The following TPO variants were observed in gnomAD, a reference collection of about 807,000 sequenced individuals.
The protein encoded by TPO is thyroid peroxidase.
TPO carries 78 observed loss-of-function variants against 96.9 expected under a neutral mutation model. The observed-to-expected ratio is 0.81, with a 90% CI of 0.67 to 0.97. TPO has a LOEUF of 0.97. Among genes scored for constraint, TPO ranks in the 50% least tolerant of loss-of-function variants. The pLI is 0.00. For missense variants in TPO, 1,252 were observed against 1,274.8 expected, an observed-to-expected ratio of 0.98 and a Z score of 0.27; for synonymous variants, 547 against 538.0, an observed-to-expected ratio of 1.02 and a Z score of -0.23.
At chr2:1,398,804 G>T (rs958041500) in intron 1 of TPO, among the ~76,000 whole-genome samples, 1 of 152,286 alleles carries the variant, frequency 6.6e-6, no homozygotes, top group Admixed American at 6.5e-5. Flanking sequence ...GATTGCAGGG[G>T]CCAGGGAGTG....
At chr2:1,528,426 G>GCTCAAATCCCCCCACTGTGTGCAACCTC (rs1677136958) in intron 15 of TPO, among the ~76,000 whole-genome samples, 2 of 68,162 alleles carry the variant, frequency 2.9e-5, no homozygotes, top group African/African-American at 6.4e-5. Context: ...TGTGCAACCT[G>GCTCAAATCCCCCCACTGTGTGCAACCTC]CTCAAATCCC....
chr2:1,435,477 C>G (rs999175360), intron 4 of TPO, among the ~76,000 whole-genome samples: 4 of 152,166 alleles, frequency 2.6e-5, no homozygotes, highest in African/African-American at 9.7e-5. Flanking sequence ...TGCATTCCTT[C>G]CTGGCTTTTT....
At chr2:1,448,296 A>T (rs1390917981) in intron 5 of TPO, among the ~76,000 whole-genome samples, 16 of 152,206 alleles carry the variant, frequency 1.1e-4, no homozygotes, top group Non-Finnish European at 1.6e-4. Context: ...CAGCTCCTGC[A>T]TGCAGCTCCT....
chr2:1,495,061 C>T (rs908202565), intron 11 of TPO, among the ~76,000 whole-genome samples: 23 of 152,200 alleles, frequency 1.5e-4, no homozygotes, highest in African/African-American at 2.2e-4. Flanking sequence ...TTGCCCCATA[C>T]GTGTGTCTCC....
chr2:1,389,179 G>A (rs1012977189), intron 1 of TPO, among the ~76,000 whole-genome samples: 6 of 152,168 alleles, frequency 3.9e-5, no homozygotes, highest in African/African-American at 1.4e-4. Flanking sequence ...GGGAGACTGT[G>A]CTGGGATGAG....
At chr2:1,531,429 C>CG in intron 15 of TPO, among the ~76,000 whole-genome samples, 1 of 57,192 alleles carries the variant, frequency 1.7e-5, no homozygotes, top group Non-Finnish European at 2.8e-5. Context: ...AAATCCCTCC[C>CG]ACTGTGAGCA....
intron 11 of TPO, among the ~76,000 whole-genome samples, chr2:1,495,787 C>T (rs1314417436): frequency 6.6e-6 from 1 of 151,622 alleles, no homozygotes; most frequent in Non-Finnish European, 1.5e-5. Context: ...TGAGTGGTCC[C>T]GGGTGCTGGG....
At chr2:1,387,721 A>G (rs1282302802) in intron 1 of TPO, among the ~76,000 whole-genome samples, 6 of 152,222 alleles carry the variant, frequency 3.9e-5, no homozygotes, top group African/African-American at 1.4e-4. Context: ...CGTCAAAGTC[A>G]TTCTTTGTCC....
In TPO at chr2:1,424,469, G is replaced by A. The variant is rs187643638; in HGVS notation, c.179+1340G>A. Among the ~76,000 whole-genome samples, 401 of 152,282 alleles carry A rather than the reference G, an allele frequency of 2.6e-3. 3 individuals carry two copies. The highest frequency in any genetic ancestry group is 9.2e-3 in the African/African-American group (382 of 41,548). On this transcript the variant is annotated intron_variant, in intron 3 of 16. Coordinates refer to ENST00000329066, the MANE Select transcript of TPO (RefSeq NM_001206744.2). ...GGCTAACTTTGGAATGCTCTTGGCC[G>A]AGAGGTGGGATCCACTCAGGTGGTT...
intron 1 of TPO, among the ~76,000 whole-genome samples, chr2:1,398,734 G>T (rs561690555): frequency 1.3e-5 from 2 of 152,196 alleles, no homozygotes; most frequent in East Asian, 3.9e-4. Context: ...CTTTGTGGGG[G>T]TGCCCTTCCC....
At position 1,542,430 on chromosome 2, in the gene TPO, G is replaced by T; in HGVS notation, c.2758G>T (p.Gly920Trp). ...AAQDSEQESA[G>W]MEGRDTHRLP... ...TTCTGCATTTTTGCAGGAGAGTGCT[G>T]GGATGGAAGGCCGGGATACTCACAG... Residue 920 changes from glycine to tryptophan, a missense_variant, in exon 17 of 17, where the codon GGG becomes TGG. By Grantham distance (184) the Gly-to-Trp change is radical. Coordinates refer to ENST00000329066, the MANE Select transcript of TPO (RefSeq NM_001206744.2). 6.2e-7 allele frequency: 1 copy of T among 1,614,214 alleles called. No homozygotes were observed. Among genetic ancestry groups the T allele is most frequent in the Non-Finnish European group, 8.5e-7 (1 of 1,180,048 alleles).
At chr2:1,437,447 G>GC (rs28909390) in intron 5 of TPO, among the ~76,000 whole-genome samples, 10 of 151,634 alleles carry the variant, frequency 6.6e-5, no homozygotes, top group South Asian at 2.1e-4. Context: ...GAAGGAAGAT[G>GC]CCCCCCCCGA....
chr2:1,436,151 C>A (rs1665546271), intron 4 of TPO, 101 bp from the exon 5 acceptor site: 1 of 1,588,630 alleles, frequency 6.3e-7, no homozygotes, highest in Non-Finnish European at 8.6e-7. Flanking sequence ...ATATGAATCC[C>A]AAATTCAGAT....
chr2:1,433,434 A>G lies in TPO; in HGVS notation c.180-4A>G. The G allele has an allele frequency of 6.2e-7, 1 of 1,614,232 alleles. No homozygotes were observed. Among genetic ancestry groups the G allele is most frequent in the Non-Finnish European group, 8.5e-7 (1 of 1,180,036 alleles). ...CTATTTTATATCTTCTTTATGTGCC[A>G]TAGAAACCTCAAGAAAAGAGGAATC... On this transcript the variant is annotated splice_polypyrimidine_tract_variant and splice_region_variant and intron_variant, in intron 3 of 16. Coordinates refer to ENST00000329066, the MANE Select transcript of TPO (RefSeq NM_001206744.2).
At chr2:1,467,703 A>G (rs903996451) in intron 7 of TPO, among the ~76,000 whole-genome samples, 1 of 151,960 alleles carries the variant, frequency 6.6e-6, no homozygotes, top group Non-Finnish European at 1.5e-5. Flanking sequence ...TGTTAAGTCC[A>G]TTTGTTCCAG....
chr2:1,542,664 T>C lies in TPO; in HGVS notation c.*190T>C. On this transcript the variant is annotated 3_prime_UTR_variant, in exon 17 of 17. Coordinates refer to ENST00000329066, the MANE Select transcript of TPO (RefSeq NM_001206744.2). ...TTATAGCTGCATTTGTCTGGCCTTT[T>C]CTTGTAAACATTGCCTGATTTGTTC... 6.6e-7 allele frequency: 1 copy of C among 1,510,576 alleles called. No individual in the cohort carries two copies. Among genetic ancestry groups the C allele is most frequent in the Non-Finnish European group, 9.0e-7 (1 of 1,116,156 alleles). The allele number at this position is 1,510,576 out of a possible 1,614,324, so 93.6% of individuals were successfully genotyped here.
intron 15 of TPO, among the ~76,000 whole-genome samples, chr2:1,523,309 G>GTA (rs1675614556): frequency 2.2e-5 from 1 of 45,666 alleles, no homozygotes; most frequent in Non-Finnish European, 3.8e-5. Context: ...CCCCCACTGT[G>GTA]AGCAACCTCC....
chr2:1,480,849 A>ACCTCCCTCC (rs1491437363), intron 8 of TPO, among the ~76,000 whole-genome samples: 1 of 151,284 alleles, frequency 6.6e-6, no homozygotes, highest in Admixed American at 6.6e-5. Context: ...TGTCCTCACC[A>ACCTCCCTCC]TACCCACTCT....
At chr2:1,507,642 A>G (rs1275785901) in intron 14 of TPO, among the ~76,000 whole-genome samples, 1 of 151,638 alleles carries the variant, frequency 6.6e-6, no homozygotes, top group Non-Finnish European at 1.5e-5. Context: ...TTCTCTTTGA[A>G]GCAATTGTGA....
Sources: gnomAD v4.1 joint callset for allele counts (sites outside exome capture counted in the v4.1 genomes callset) on GRCh38, gnomAD v4.1.1 for gene constraint, MANE v1.5 for transcripts, NCBI Gene and HGNC (gene_info 2026-07-23, HGNC 2026-07-21) for gene names.